NLRP2: variants seen among roughly 807,000 people sequenced by gnomAD.
The protein encoded by NLRP2 is NLR family pyrin domain containing 2, also known as NACHT, LRR and PYD domains-containing protein 2.
A neutral mutation model predicts 97.2 loss-of-function variants in NLRP2; 107 were observed. That is an observed-to-expected ratio of 1.10 (90% CI 0.94 to 1.29). The LOEUF is 1.29. Ranked by LOEUF, NLRP2 falls within the 50% of genes most tolerant of loss-of-function variation. The probability of loss-of-function intolerance (pLI) is 0.00; values close to 1 mark genes in which losing one functional copy is unlikely to be tolerated. For missense variants in NLRP2, 1,495 were observed against 1,330.3 expected (o/e 1.12, Z -1.93); for synonymous variants, 663 against 551.5 (o/e 1.20, Z -2.83).
intron 10 of NLRP2, among the ~76,000 whole-genome samples, chr19:54,992,528 G>A (rs1322286874): frequency 4.1e-5 from 5 of 123,390 alleles, no homozygotes; most frequent in Non-Finnish European, 4.8e-5. Flanking sequence ...TGGTGTGTGT[G>A]GTATTTTTTT....
At chr19:54,988,389 T>C (rs1251983793) in intron 8 of NLRP2, among the ~76,000 whole-genome samples, 1 of 151,988 alleles carries the variant, frequency 6.6e-6, no homozygotes, top group Non-Finnish European at 1.5e-5. Context: ...GCCTCCCGGG[T>C]TCAAGTGATT....
chr19:54,986,080 C>A, intron 7 of NLRP2, 71 bp from the exon 8 acceptor site: 1 of 972,874 alleles, frequency 1.0e-6, no homozygotes, highest in Non-Finnish European at 1.7e-6. Flanking sequence ...ATATATCGAG[C>A]CCCTGGTTTC....
intron 1 of NLRP2, among the ~76,000 whole-genome samples, chr19:54,967,275 G>C (rs977004832): frequency 6.6e-6 from 1 of 152,098 alleles, no homozygotes; most frequent in African/African-American, 2.4e-5. Context: ...CTGAGGTCGG[G>C]AGTTCGAGAC....
At chr19:54,982,049 A>C in intron 5 of NLRP2, 113 bp from the exon 6 acceptor site, 1 of 1,357,194 alleles carries the variant, frequency 7.4e-7, no homozygotes. Flanking sequence ...AAGGGCTGGG[A>C]TTACAGGCAT....
chr19:54,975,441 T>C (rs2071161433), intron 3 of NLRP2, among the ~76,000 whole-genome samples: 1 of 121,570 alleles, frequency 8.2e-6, no homozygotes, highest in Admixed American at 9.2e-5. Context: ...ACTTATATCC[T>C]GAAGATTATT....
chr19:54,999,457 C>T (rs2073060291), intron 12 of NLRP2, among the ~76,000 whole-genome samples: 1 of 152,162 alleles, frequency 6.6e-6, no homozygotes, highest in African/African-American at 2.4e-5. Context: ...TGCATCTCCT[C>T]TGTTTAACTG....
chr19:54,987,739 CAAAAA>C (rs146853071), intron 8 of NLRP2, among the ~76,000 whole-genome samples: 1 of 120,234 alleles, frequency 8.3e-6, no homozygotes, highest in African/African-American at 2.9e-5. Context: ...GAGACTGTCT[CAAAAA>C]AAAAAAAAAA....
intron 3 of NLRP2, 24 bp downstream of exon 3, chr19:54,974,568 T>G: frequency 6.8e-7 from 1 of 1,481,164 alleles, no homozygotes. Context: ...TTTATAACTT[T>G]TATTCTTCAT....
At chr19:54,974,387 TAAGAG>T in intron 2 of NLRP2, 108 bp from the exon 3 acceptor site, 1 of 825,274 alleles carries the variant, frequency 1.2e-6, no homozygotes, top group Non-Finnish European at 2.1e-6. Context: ...TGGAAGGAGA[TAAGAG>T]AAAGGAACAA....
chr19:54,986,840 G>C (rs1349721048), intron 8 of NLRP2, among the ~76,000 whole-genome samples: 1 of 151,750 alleles, frequency 6.6e-6, no homozygotes, highest in Admixed American at 6.6e-5. Context: ...GAGCCACCAT[G>C]CCCAGCCAGA....
At chr19:54,989,506 G>A (rs909601405) in intron 8 of NLRP2, 1 of 202,120 alleles carries the variant, frequency 4.9e-6, no homozygotes, top group Non-Finnish European at 1.0e-5. Context: ...ATAGGTTAGC[G>A]GAGTCTGCAT....
At chr19:54,991,542 G>A (rs1348841646) in intron 10 of NLRP2, 2 of 135,914 alleles carry the variant, frequency 1.5e-5, no homozygotes, top group Non-Finnish European at 3.2e-5. Flanking sequence ...AATAGAGCAA[G>A]ACTCTCTCAA....
chr19:54,994,518 C>A lies in NLRP2; in HGVS notation c.2879+79C>A, dbSNP rs188370894. On this transcript the variant is annotated intron_variant, in intron 11 of 12. Transcript: ENST00000448584. ...GCTAGTGTAAAATAATCAGTGAAGC[C>A]GACTTCCCAAGTTATATAATTGAGA... 5 of 1,466,198 alleles carry A rather than the reference C, an allele frequency of 3.4e-6. No individual in the cohort carries two copies. The East Asian group carries it at 1.1e-4, about 33-fold the overall frequency. The allele number at this position is 1,466,198 out of a possible 1,614,324, so 90.8% of individuals were successfully genotyped here. A position where few individuals can be genotyped will look rare whatever the true frequency, so the allele number is the denominator to read the frequency against.
At chr19:54,997,732 GGCGTGA>G (rs969500113) in intron 12 of NLRP2, among the ~76,000 whole-genome samples, 6 of 151,972 alleles carry the variant, frequency 3.9e-5, no homozygotes, top group African/African-American at 1.4e-4. Flanking sequence ...TGGGATTACA[GGCGTGA>G]GCAACCGCAC....
intron 3 of NLRP2, chr19:54,976,981 T>C (rs2071280691): frequency 5.7e-6 from 2 of 348,282 alleles, no homozygotes; most frequent in South Asian, 2.2e-5. Context: ...CATGCCCGGC[T>C]AATTTTTTGT....
At chr19:54,975,624 TTG>T (rs1251924124) in intron 3 of NLRP2, among the ~76,000 whole-genome samples, 2 of 149,898 alleles carry the variant, frequency 1.3e-5, no homozygotes, top group African/African-American at 2.5e-5. Flanking sequence ...GCTAATTTTT[TTG>T]TGTTTTTAGT....
Position 54,982,883 on chromosome 19 carries a change from C to A in NLRP2, c.1185C>A (p.Gly395=). 6.2e-7 allele frequency: 1 copy of A among 1,613,084 alleles called. No homozygotes were observed. Among genetic ancestry groups the A allele is most frequent in the East Asian group, 2.2e-5 (1 of 44,858 alleles). ...MRSNAALFQL[G]SAPAVCWIVC... ...GCAACGCGGCCCTGTTCCAGCTGGGCTCGGCCCCCGCGGTGTGCTGGATCG... is the reference window on the plus strand; with the variant it reads ...GCAACGCGGCCCTGTTCCAGCTGGGATCGGCCCCCGCGGTGTGCTGGATCG... Residue 395 remains glycine (G), a synonymous_variant, in exon 6 of 13, where the codon GGC becomes GGA. Transcript: ENST00000448584.
Position 54,982,272 on chromosome 19 carries a change from C to G in NLRP2, c.574C>G (p.Leu192Val), listed in dbSNP as rs375069245. ...VQVMAERYKM[L>V]IPFSNPRVLP... The stretch of plus-strand genomic sequence containing the variant: ...GGTTATGGCTGAGAGATACAAGATG[C>G]TGATCCCATTCAGCAACCCCAGGGT... The change falls in exon 6 of 13, where the codon CTG becomes GTG. Residue 192 changes from leucine (L) to valine (V), a missense_variant. By Grantham distance (32) the Leu-to-Val change is conservative (BLOSUM62 1). Coordinates refer to ENST00000448584, the MANE Select transcript of NLRP2 (RefSeq NM_017852.5). 1.9e-6 allele frequency: 3 copies of G among 1,614,092 alleles called. No homozygotes were observed. The highest frequency in any genetic ancestry group is 2.2e-5 in the South Asian group (2 of 91,086).
chr19:54,977,546 A>G lies in NLRP2; in HGVS notation c.326-206A>G, dbSNP rs187528860. 5.6e-4 allele frequency among the ~76,000 whole-genome samples: 83 copies of G among 148,678 alleles called. 1 individual carries two copies. Among genetic ancestry groups the G allele is most frequent in the Non-Finnish European group, 3.1e-4 (21 of 67,262 alleles). ...GTGTCTTTCACACCATGTGTTCTGAACTACTTAGGAATTCTCACCAGAAAG... is the reference window on the plus strand; with the variant it reads ...GTGTCTTTCACACCATGTGTTCTGAGCTACTTAGGAATTCTCACCAGAAAG... On this transcript the variant is annotated intron_variant, in intron 3 of 12. Transcript: ENST00000448584.
Sources: gnomAD v4.1 joint callset for allele counts (sites outside exome capture counted in the v4.1 genomes callset) on GRCh38, gnomAD v4.1.1 for gene constraint, MANE v1.5 for transcripts, NCBI Gene and HGNC (gene_info 2026-07-23, HGNC 2026-07-21) for gene names.